DHX37: variants seen among roughly 807,000 people sequenced by gnomAD.
DHX37 encodes probable ATP-dependent RNA helicase DHX37.
Under a neutral mutation model 134.3 loss-of-function variants are expected in DHX37, and 52 were observed. The ratio of observed to expected loss-of-function variants is 0.39; its 90% CI spans 0.31 to 0.49. The LOEUF is 0.49. Among genes scored for constraint, DHX37 ranks in the 20% least tolerant of loss-of-function variants. The pLI is 0.93. For synonymous variants in DHX37, 634 were observed against 670.7 expected, an observed-to-expected ratio of 0.95 and a Z score of 0.85; for missense variants, 1,344 against 1,580.8, an observed-to-expected ratio of 0.85 and a Z score of 2.54.
intron 16 of DHX37, 44 bp from the exon 17 acceptor site, chr12:124,957,179 A>G: frequency 6.9e-7 from 1 of 1,455,014 alleles, no homozygotes; most frequent in South Asian, 1.5e-5. Context: ...GAATGCCAAG[A>G]ACAAGTCCGG....
At chr12:124,963,595 C>T (rs1292289172) in intron 15 of DHX37, among the ~76,000 whole-genome samples, 6 of 152,016 alleles carry the variant, frequency 3.9e-5, no homozygotes, top group African/African-American at 1.2e-4. Flanking sequence ...AGTGGCCGGG[C>T]ACGGTGGCTC....
intron 22 of DHX37, 38 bp from the exon 23 acceptor site, chr12:124,950,588 C>T: frequency 1.3e-6 from 2 of 1,548,228 alleles, no homozygotes; most frequent in Non-Finnish European, 1.7e-6. Flanking sequence ...TACAGCGGCA[C>T]CCTCCGTGGG....
chr12:124,971,090 C>T (rs950174132), intron 8 of DHX37, among the ~76,000 whole-genome samples: 3 of 152,204 alleles, frequency 2.0e-5, no homozygotes, highest in African/African-American at 4.8e-5. Flanking sequence ...GGCACCGGGG[C>T]GGTGGGGAGG....
chr12:124,950,279 T>C (rs1953950366), intron 23 of DHX37, 36 bp from the exon 24 acceptor site: 2 of 1,611,848 alleles, frequency 1.2e-6, no homozygotes, highest in East Asian at 2.2e-5. Context: ...GGGACCCTCC[T>C]GCAGCTGCCC....
intron 16 of DHX37, among the ~76,000 whole-genome samples, chr12:124,958,972 T>C (rs537277629): frequency 6.7e-6 from 1 of 148,386 alleles, no homozygotes; most frequent in Non-Finnish European, 1.5e-5. Context: ...TGCAACGGCA[T>C]GATCTTGGCT....
At chr12:124,982,084 T>C (rs1314336236) in intron 3 of DHX37, among the ~76,000 whole-genome samples, 12 of 150,902 alleles carry the variant, frequency 8.0e-5, no homozygotes, top group African/African-American at 2.9e-4. Flanking sequence ...GATCACGCCA[T>C]TGCACTCCAG....
At chr12:124,964,288 C>T (rs939967860) in intron 15 of DHX37, 106 bp downstream of exon 15, 67 of 1,541,708 alleles carry the variant, frequency 4.3e-5, no homozygotes, top group African/African-American at 2.3e-4. Context: ...CGGCAGGACA[C>T]GGAACATACT....
chr12:124,963,486 A>T (rs7970249), intron 15 of DHX37, among the ~76,000 whole-genome samples: 4,816 of 152,232 alleles, frequency 0.032, 278 homozygotes, highest in African/African-American at 0.11. Flanking sequence ...GTATGCTTTA[A>T]AATTATGTAC....
chr12:124,952,388 G>A lies in DHX37; in HGVS notation c.2868+10C>T. On this transcript the variant is annotated intron_variant, in intron 21 of 26. Coordinates refer to ENST00000308736, the MANE Select transcript of DHX37 (RefSeq NM_032656.4). ...AAGCTACCCGGGCAGGGAGGCGGTG[G>A]GGGCCGCACCTTGTAGGCGTTCCTC... 3 of 1,600,596 alleles carry A rather than the reference G, an allele frequency of 1.9e-6. No homozygotes were observed. The highest frequency in any genetic ancestry group is 2.6e-6 in the Non-Finnish European group (3 of 1,176,064).
chr12:124,975,552 C>T, intron 5 of DHX37, 41 bp from the exon 6 acceptor site: 3 of 1,597,200 alleles, frequency 1.9e-6, no homozygotes, highest in Non-Finnish European at 2.6e-6. Context: ...TGCGCGGCCC[C>T]ACCTGTTCAT....
rs201187827 is a variant in DHX37 at position 124,956,897 on chromosome 12, G to A, written c.2265-18C>T. 1.9e-6 allele frequency: 3 copies of A among 1,574,182 alleles called. No homozygotes were observed. The highest frequency in any genetic ancestry group is 2.6e-6 in the Non-Finnish European group (3 of 1,153,824). Reference sequence around the variant, plus strand: ...GCTTCACCCTGGAGATGGAGGTGGTGGTGGCAGTGCTCTGAGAGGAGCTCT... The same window carrying A: ...GCTTCACCCTGGAGATGGAGGTGGTAGTGGCAGTGCTCTGAGAGGAGCTCT... On this transcript the variant is annotated intron_variant, in intron 17 of 26. Transcript: ENST00000308736.
intron 15 of DHX37, among the ~76,000 whole-genome samples, chr12:124,961,948 T>C (rs573280249): frequency 6.6e-6 from 1 of 151,916 alleles, no homozygotes; most frequent in East Asian, 1.9e-4. Flanking sequence ...AGCTTTCATA[T>C]TAAAAAAAAA....
intron 18 of DHX37, 64 bp from the exon 19 acceptor site, chr12:124,954,275 G>T: frequency 7.3e-6 from 11 of 1,511,880 alleles, no homozygotes; most frequent in Non-Finnish European, 9.7e-6. Flanking sequence ...CTCAGCGGGG[G>T]GAACTCCTTT....
At chr12:124,952,714 G>A in intron 20 of DHX37, 144 bp from the exon 21 acceptor site, 1 of 782,178 alleles carries the variant, frequency 1.3e-6, no homozygotes, top group South Asian at 4.5e-5. Flanking sequence ...GCCACCAGCA[G>A]GACCCAAAGC....
At position 124,988,942 on chromosome 12, in the gene DHX37, C is replaced by G. The variant is rs1954925223; in HGVS notation, c.81G>C (p.Pro27=). 1.5e-6 allele frequency: 2 copies of G among 1,337,884 alleles called. No homozygotes were observed. The highest frequency in any genetic ancestry group is 5.6e-5 in the East Asian group (2 of 35,830). 82.9% of individuals were successfully genotyped at this position (1,337,884 alleles called of 1,614,324 possible). A position where few individuals can be genotyped will look rare whatever the true frequency, so the allele number is the denominator to read the frequency against. ...CCTCCAGTTCCAGCTGCACGGGGGG[C>G]GGCTCGGGGGGGCCCTTCGAGGGTC... ...GPGPSKGPPE[P]PPVQLELEDK... Residue 27 remains proline, a synonymous_variant, in exon 1 of 27, where the codon CCG becomes CCC. Coordinates refer to ENST00000308736, the MANE Select transcript of DHX37 (RefSeq NM_032656.4).
Position 124,982,607 on chromosome 12 carries a change from T to C in DHX37, c.293A>G (p.Gln98Arg). Reference protein sequence around the residue: ...EKKSQRAEMLQKLSEVQASEA... With the variant: ...EKKSQRAEMLRKLSEVQASEA... ...GGAAGCCTGGACTTCACTCAGCTTC[T>C]GTAGCATCTCTGCTCGCTGGGAAAG... Residue 98 changes from glutamine (Q) to arginine (R), a missense_variant, in exon 3 of 27, where the codon CAG becomes CGG. This residue lies in a region of DHX37 where 319 missense variants were observed against 296.1 expected (regional missense o/e 1.08). Transcript: ENST00000308736. 6.2e-7 allele frequency: 1 copy of C among 1,613,688 alleles called. No individual in the cohort carries two copies.
At chr12:124,951,863 T>C (rs1273763427) in intron 21 of DHX37, among the ~76,000 whole-genome samples, 3 of 152,092 alleles carry the variant, frequency 2.0e-5, no homozygotes, top group South Asian at 2.1e-4. Context: ...TCCTAGCTAT[T>C]TGGGAGGCTG....
intron 20 of DHX37, 155 bp downstream of exon 20, chr12:124,953,725 G>C: frequency 7.6e-7 from 1 of 1,318,314 alleles, no homozygotes; most frequent in Non-Finnish European, 1.0e-6. Context: ...CTTGTTCCTG[G>C]AAAAGCTCCC....
chr12:124,968,121 A>G (rs1408351763), intron 10 of DHX37, among the ~76,000 whole-genome samples: 1 of 151,958 alleles, frequency 6.6e-6, no homozygotes, highest in East Asian at 1.9e-4. Context: ...CAATCTATTC[A>G]CACAGAAAGG....
Sources: gnomAD v4.1 joint callset for allele counts (sites outside exome capture counted in the v4.1 genomes callset) on GRCh38, gnomAD v4.1.1 for gene constraint, gnomAD v4.1.1 regional missense constraint, MANE v1.5 for transcripts, NCBI Gene and HGNC (gene_info 2026-07-23, HGNC 2026-07-21) for gene names.